The following NRG3 variants were observed in gnomAD, a reference collection of about 807,000 sequenced individuals.
The protein encoded by NRG3 is pro-neuregulin-3, membrane-bound isoform.
A neutral mutation model predicts 66.9 loss-of-function variants in NRG3; 31 were observed. The observed-to-expected ratio is 0.46, with a 90% CI of 0.35 to 0.63. The LOEUF is 0.63. NRG3 is among the 20% of genes least tolerant of loss of function. The pLI is 0.00. For synonymous variants in NRG3, 393 were observed against 359.4 expected, an observed-to-expected ratio of 1.09 and a Z score of -1.06; for missense variants, 910 against 878.9, an observed-to-expected ratio of 1.04 and a Z score of -0.45.
At position 82,454,438 on chromosome 10, in the gene NRG3, G is replaced by A. The variant is rs181727325; in HGVS notation, c.953+95570G>A. Among the ~76,000 whole-genome samples, 338 of 151,828 alleles carry A rather than the reference G, an allele frequency of 2.2e-3. 1 individual carries two copies. The highest frequency in any genetic ancestry group is 7.5e-3 in the African/African-American group (309 of 41,390). Reference sequence around the variant, plus strand: ...AATGGAGAATATATGCTACACTCGTGTTCAAACAGTTAAAAAAAATAAAAA... The same window carrying A: ...AATGGAGAATATATGCTACACTCGTATTCAAACAGTTAAAAAAAATAAAAA... On this transcript the variant is annotated intron_variant, in intron 2 of 8. Transcript: ENST00000372141.
At chr10:82,715,056 T>C (rs760268092) in intron 2 of NRG3, among the ~76,000 whole-genome samples, 9 of 152,200 alleles carry the variant, frequency 5.9e-5, no homozygotes, top group Non-Finnish European at 1.2e-4. Context: ...AGTTTTTAAA[T>C]AGACTAAATT....
chr10:81,890,029 G>A (rs1842897202), intron 1 of NRG3, among the ~76,000 whole-genome samples: 1 of 152,140 alleles, frequency 6.6e-6, no homozygotes, highest in Non-Finnish European at 1.5e-5. Context: ...CACTGCAAAT[G>A]GCTGAGTCTT....
At chr10:82,867,896 T>C (rs1840915429) in intron 4 of NRG3, among the ~76,000 whole-genome samples, 1 of 152,146 alleles carries the variant, frequency 6.6e-6, no homozygotes, top group Non-Finnish European at 1.5e-5. Flanking sequence ...ATGATGGCAG[T>C]GATTCGTAGC....
intron 2 of NRG3, among the ~76,000 whole-genome samples, chr10:82,565,618 A>G (rs1188199480): frequency 6.6e-6 from 1 of 151,930 alleles, no homozygotes; most frequent in Non-Finnish European, 1.5e-5. Context: ...TTGTTTTTTG[A>G]TCGGCACTAC....
At chr10:81,944,335 A>T (rs980803615) in intron 1 of NRG3, among the ~76,000 whole-genome samples, 1 of 152,244 alleles carries the variant, frequency 6.6e-6, no homozygotes, top group Non-Finnish European at 1.5e-5. Context: ...ATAAAATTTT[A>T]GAAAGTCATT....
At chr10:82,414,009 A>G (rs772991477) in intron 2 of NRG3, among the ~76,000 whole-genome samples, 2 of 151,826 alleles carry the variant, frequency 1.3e-5, no homozygotes, top group Non-Finnish European at 2.9e-5. Context: ...TTGCTTTCTT[A>G]TTATCTGTGT....
intron 1 of NRG3, among the ~76,000 whole-genome samples, chr10:81,888,127 C>G (rs1292353349): frequency 6.6e-6 from 1 of 152,124 alleles, no homozygotes; most frequent in East Asian, 1.9e-4. Flanking sequence ...TTGTTGGTGT[C>G]TCACAGTCCA....
At chr10:82,660,944 C>T (rs920098968) in intron 2 of NRG3, among the ~76,000 whole-genome samples, 1 of 151,998 alleles carries the variant, frequency 6.6e-6, no homozygotes, top group African/African-American at 2.4e-5. Context: ...AGAACATATC[C>T]TATTTTTTCT....
At chr10:81,934,427 C>T (rs532916025) in intron 1 of NRG3, among the ~76,000 whole-genome samples, 12 of 152,140 alleles carry the variant, frequency 7.9e-5, no homozygotes, top group Admixed American at 2.6e-4. Flanking sequence ...CCTTAAGCAT[C>T]GGACACTCCC....
At chr10:82,908,162 C>G (rs1591913687) in intron 4 of NRG3, among the ~76,000 whole-genome samples, 1 of 152,216 alleles carries the variant, frequency 6.6e-6, no homozygotes, top group African/African-American at 2.4e-5. Flanking sequence ...AACTCCCATT[C>G]CTTTGCAAGG....
chr10:82,227,353 A>C (rs1165730631), intron 1 of NRG3, among the ~76,000 whole-genome samples: 1 of 152,136 alleles, frequency 6.6e-6, no homozygotes, highest in Non-Finnish European at 1.5e-5. Flanking sequence ...TAAGCTCCTG[A>C]AAACTGACAC....
chr10:82,931,808 C>T (rs1442451399), intron 4 of NRG3, among the ~76,000 whole-genome samples: 1 of 152,106 alleles, frequency 6.6e-6, no homozygotes, highest in East Asian at 1.9e-4. Flanking sequence ...TGAATGATAT[C>T]CCTTTCAGCT....
At chr10:82,739,259 T>C (rs1214262118) in intron 3 of NRG3, among the ~76,000 whole-genome samples, 2 of 152,240 alleles carry the variant, frequency 1.3e-5, no homozygotes, top group Non-Finnish European at 2.9e-5. Context: ...GTTTGTATGG[T>C]AGTAAAAGTA....
chr10:82,582,102 C>T (rs931305007), intron 2 of NRG3, among the ~76,000 whole-genome samples: 14 of 151,988 alleles, frequency 9.2e-5, no homozygotes, highest in African/African-American at 2.9e-4. Flanking sequence ...CATCTAGGCA[C>T]TCATTTGAAT....
At position 82,122,473 on chromosome 10, in the gene NRG3, A is replaced by G. The variant is rs201377578; in HGVS notation, c.824-236266A>G. Among the ~76,000 whole-genome samples the G allele has an allele frequency of 7.2e-5, 11 of 152,268 alleles. No individual in the cohort carries two copies. In the East Asian group the frequency reaches 1.9e-3, roughly 27 times the overall value. The stretch of plus-strand genomic sequence containing the variant: ...CACAGATACTTGGTCAAACTTGGCC[A>G]TTACACAGTCTGATGATAGCTCTGT... On this transcript the variant is annotated intron_variant, in intron 1 of 8. Transcript: ENST00000372141.
At chr10:82,209,454 T>C (rs748154292) in intron 1 of NRG3, among the ~76,000 whole-genome samples, 4 of 152,214 alleles carry the variant, frequency 2.6e-5, no homozygotes, top group Admixed American at 6.6e-5. Flanking sequence ...TCAATGATCA[T>C]CTATGTATAA....
At chr10:82,956,854 A>G (rs1398849653) in intron 5 of NRG3, among the ~76,000 whole-genome samples, 2 of 152,010 alleles carry the variant, frequency 1.3e-5, no homozygotes, top group South Asian at 2.1e-4. Flanking sequence ...TAGGCTATAG[A>G]TTAGCTGTTA....
At chr10:82,385,682 A>T (rs2085934336) in intron 2 of NRG3, among the ~76,000 whole-genome samples, 1 of 152,140 alleles carries the variant, frequency 6.6e-6, no homozygotes, top group African/African-American at 2.4e-5. Flanking sequence ...TGCTATAAAG[A>T]GGGGATTGTT....
intron 3 of NRG3, among the ~76,000 whole-genome samples, chr10:82,855,382 T>C (rs1250282182): frequency 6.6e-6 from 1 of 152,080 alleles, no homozygotes; most frequent in Non-Finnish European, 1.5e-5. Context: ...CTTCCATCTA[T>C]TAACCGTAAA....
Sources: gnomAD v4.1 joint callset for allele counts (sites outside exome capture counted in the v4.1 genomes callset) on GRCh38, gnomAD v4.1.1 for gene constraint, MANE v1.5 for transcripts, NCBI Gene and HGNC (gene_info 2026-07-23, HGNC 2026-07-21) for gene names.